Variants in KCTD16 observed in about 807,000 individuals in gnomAD.
KCTD16 encodes the protein BTB/POZ domain-containing protein KCTD16.
KCTD16 carries 13 observed loss-of-function variants against 33.2 expected under a neutral mutation model. The observed-to-expected ratio is 0.39, with a 90% CI of 0.25 to 0.62. KCTD16 has a LOEUF of 0.62. KCTD16 is among the 20% of genes least tolerant of loss of function. The probability of loss-of-function intolerance (pLI) is 0.50; values close to 1 mark genes in which losing one functional copy is unlikely to be tolerated. For missense variants in KCTD16, 441 were observed against 525.1 expected, an observed-to-expected ratio of 0.84 and a Z score of 1.57; for synonymous variants, 197 against 195.3, an observed-to-expected ratio of 1.01 and a Z score of -0.07.
At chr5:144,209,857 T>C (rs1348358836) in intron 3 of KCTD16, among the ~76,000 whole-genome samples, 3 of 146,332 alleles carry the variant, frequency 2.1e-5, no homozygotes, top group African/African-American at 7.5e-5. Flanking sequence ...TGTATATATA[T>C]ACACATATAT....
chr5:144,368,425 T>C (rs1345351926), intron 3 of KCTD16, among the ~76,000 whole-genome samples: 1 of 151,914 alleles, frequency 6.6e-6, no homozygotes, highest in Non-Finnish European at 1.5e-5. Flanking sequence ...GAGAGAGACA[T>C]GGGAAAAGGA....
intron 3 of KCTD16, among the ~76,000 whole-genome samples, chr5:144,333,592 A>T (rs776345710): frequency 3.7e-4 from 56 of 151,988 alleles, no homozygotes; most frequent in Admixed American, 3.9e-4. Flanking sequence ...CTTTCTGTGT[A>T]TTTGGGGGTC....
chr5:144,172,943 T>A (rs1217420090), intron 1 of KCTD16, among the ~76,000 whole-genome samples: 1 of 152,212 alleles, frequency 6.6e-6, no homozygotes, highest in Non-Finnish European at 1.5e-5. Context: ...CAAATTTGAA[T>A]GAGCTACAAG....
chr5:144,370,262 A>G (rs1029930701), intron 3 of KCTD16, among the ~76,000 whole-genome samples: 1 of 152,152 alleles, frequency 6.6e-6, no homozygotes, highest in African/African-American at 2.4e-5. Context: ...AAAGTATAAA[A>G]AGCTCCTGAC....
At chr5:144,187,033 A>G (rs953163823) in intron 2 of KCTD16, among the ~76,000 whole-genome samples, 1 of 152,180 alleles carries the variant, frequency 6.6e-6, no homozygotes, top group African/African-American at 2.4e-5. Context: ...CACTCCTCAA[A>G]TAGTCAAAGA....
At chr5:144,196,443 A>G (rs945404758) in intron 2 of KCTD16, among the ~76,000 whole-genome samples, 4 of 152,298 alleles carry the variant, frequency 2.6e-5, no homozygotes, top group East Asian at 1.9e-4. Context: ...TTTGGGGCAA[A>G]TAAAACATTT....
At chr5:144,332,710 C>T (rs911390440) in intron 3 of KCTD16, among the ~76,000 whole-genome samples, 1 of 152,106 alleles carries the variant, frequency 6.6e-6, no homozygotes, top group African/African-American at 2.4e-5. Context: ...TGAGGAGGGG[C>T]ACTAAAAATA....
chr5:144,237,627 C>T (rs555401798), intron 3 of KCTD16, among the ~76,000 whole-genome samples: 5 of 152,130 alleles, frequency 3.3e-5, no homozygotes, highest in South Asian at 2.1e-4. Context: ...CATTTGCTTT[C>T]CAGTTTTTCT....
At chr5:144,246,761 CATT>C (rs931023553) in intron 3 of KCTD16, among the ~76,000 whole-genome samples, 1 of 152,292 alleles carries the variant, frequency 6.6e-6, no homozygotes, top group African/African-American at 2.4e-5. Context: ...TCTTCTTCAT[CATT>C]GTCATCGTCC....
chr5:144,289,736 T>C (rs150827991), intron 3 of KCTD16, among the ~76,000 whole-genome samples: 1 of 152,176 alleles, frequency 6.6e-6, no homozygotes, highest in African/African-American at 2.4e-5. Flanking sequence ...TCAGATAAGA[T>C]AGAGGCAACT....
At chr5:144,412,461 A>C (rs1752953211) in intron 3 of KCTD16, among the ~76,000 whole-genome samples, 1 of 152,206 alleles carries the variant, frequency 6.6e-6, no homozygotes, top group Non-Finnish European at 1.5e-5. Flanking sequence ...GAGATGTAGG[A>C]GATAAAAAAG....
chr5:144,418,282 G>A (rs1373617860), intron 3 of KCTD16, among the ~76,000 whole-genome samples: 1 of 152,172 alleles, frequency 6.6e-6, no homozygotes, highest in Non-Finnish European at 1.5e-5. Context: ...CGAGTGGGTT[G>A]CCAACGGGGA....
At chr5:144,433,138 G>A (rs1264355334) in intron 3 of KCTD16, among the ~76,000 whole-genome samples, 1 of 152,182 alleles carries the variant, frequency 6.6e-6, no homozygotes. Flanking sequence ...AATACCTACA[G>A]AAGCCAGAAT....
At chr5:144,329,169 A>T (rs1045842347) in intron 3 of KCTD16, among the ~76,000 whole-genome samples, 2 of 152,202 alleles carry the variant, frequency 1.3e-5, no homozygotes, top group Non-Finnish European at 2.9e-5. Flanking sequence ...CACTGGCCTG[A>T]TGCCTATTTG....
chr5:144,336,942 G>C (rs535393107), intron 3 of KCTD16, among the ~76,000 whole-genome samples: 1 of 151,746 alleles, frequency 6.6e-6, no homozygotes, highest in East Asian at 1.9e-4. Flanking sequence ...GTGTGGATGG[G>C]TGTCAGTGTT....
intron 3 of KCTD16, among the ~76,000 whole-genome samples, chr5:144,389,075 C>T (rs1012793590): frequency 6.6e-6 from 1 of 152,178 alleles, no homozygotes; most frequent in Admixed American, 6.5e-5. Flanking sequence ...TCCTTCCCAT[C>T]AGATAAGCTC....
intron 3 of KCTD16, among the ~76,000 whole-genome samples, chr5:144,450,785 G>A (rs1218182594): frequency 1.3e-5 from 2 of 152,062 alleles, no homozygotes; most frequent in Admixed American, 6.6e-5. Context: ...GTAGTTACTA[G>A]GTATCGAGGG....
intron 3 of KCTD16, among the ~76,000 whole-genome samples, chr5:144,377,008 C>T (rs773097019): frequency 5.3e-5 from 8 of 152,154 alleles, no homozygotes; most frequent in Non-Finnish European, 1.0e-4. Context: ...TACATATCTA[C>T]GCATTCAGAC....
At chr5:144,459,788 A>G (rs1334346877) in intron 3 of KCTD16, among the ~76,000 whole-genome samples, 2 of 141,670 alleles carry the variant, frequency 1.4e-5, no homozygotes, top group African/African-American at 2.7e-5. Context: ...CTGAGGCCCT[A>G]TATGATTTGG....
Sources: gnomAD v4.1 joint callset for allele counts (sites outside exome capture counted in the v4.1 genomes callset) on GRCh38, gnomAD v4.1.1 for gene constraint, MANE v1.5 for transcripts, NCBI Gene and HGNC (gene_info 2026-07-23, HGNC 2026-07-21) for gene names.